CHMP2B: variants seen among roughly 807,000 people sequenced by gnomAD.
CHMP2B encodes VPS2 homolog B.
In CHMP2B, 22 loss-of-function variants were observed where a neutral mutation model predicts 29.8. The ratio of observed to expected loss-of-function variants is 0.74; its 90% confidence interval spans 0.53 to 1.05. CHMP2B has a LOEUF of 1.05. Among genes scored for constraint, CHMP2B ranks in the 50% least tolerant of loss-of-function variants. The probability of loss-of-function intolerance (pLI) is 0.00; values close to 1 mark genes in which losing one functional copy is unlikely to be tolerated. For synonymous variants in CHMP2B, 78 were observed against 75.8 expected, an observed-to-expected ratio of 1.03 and a Z score of -0.15; for missense variants, 261 against 252.2, an observed-to-expected ratio of 1.03 and a Z score of -0.24.
chr3:87,247,241 C>T (rs1168079290), intron 3 of CHMP2B, among the ~76,000 whole-genome samples: 1 of 152,296 alleles, frequency 6.6e-6, no homozygotes, highest in East Asian at 1.9e-4. Context: ...CCTAACTAAC[C>T]TTGTGTTTCT....
chr3:87,229,761 G>T (rs1346537010), intron 1 of CHMP2B, among the ~76,000 whole-genome samples: 1 of 152,086 alleles, frequency 6.6e-6, no homozygotes, highest in Non-Finnish European at 1.5e-5. Flanking sequence ...ACATGTACCT[G>T]CCTATAGATC....
chr3:87,228,251 TATC>T (rs1705849565), intron 1 of CHMP2B, among the ~76,000 whole-genome samples: 1 of 152,246 alleles, frequency 6.6e-6, no homozygotes, highest in South Asian at 2.1e-4. Flanking sequence ...TTTAGCTTAA[TATC>T]ATCTTAAGCG....
intron 2 of CHMP2B, among the ~76,000 whole-genome samples, chr3:87,241,465 C>G (rs1706118201): frequency 6.6e-6 from 1 of 152,128 alleles, no homozygotes; most frequent in Admixed American, 6.5e-5. Context: ...CTACGCATCC[C>G]TGCCTGTCTC....
chr3:87,242,694 G>A (rs1410283662), intron 2 of CHMP2B, among the ~76,000 whole-genome samples: 3 of 152,110 alleles, frequency 2.0e-5, no homozygotes, highest in Non-Finnish European at 4.4e-5. Context: ...AAAGTCAGTT[G>A]TTTCAACATA....
chr3:87,248,333 A>G (rs910417349), intron 3 of CHMP2B, among the ~76,000 whole-genome samples: 1 of 150,522 alleles, frequency 6.6e-6, no homozygotes, highest in African/African-American at 2.4e-5. Flanking sequence ...TTCGGTATAC[A>G]TTTTGTTTCT....
chr3:87,242,011 C>A (rs531217019), intron 2 of CHMP2B, among the ~76,000 whole-genome samples: 2 of 152,032 alleles, frequency 1.3e-5, no homozygotes, highest in South Asian at 4.1e-4. Flanking sequence ...GTGTATAGTA[C>A]GTTGTCATTT....
intron 4 of CHMP2B, 58 bp from the exon 5 acceptor site, chr3:87,253,346 G>T (rs977470994): frequency 9.9e-6 from 10 of 1,005,252 alleles, no homozygotes; most frequent in Admixed American, 1.7e-5. Context: ...AAATATGTAA[G>T]TCTAACCTGA....
chr3:87,246,958 A>G (rs1423939748), intron 3 of CHMP2B, among the ~76,000 whole-genome samples: 1 of 152,222 alleles, frequency 6.6e-6, no homozygotes, highest in Non-Finnish European at 1.5e-5. Context: ...ATTGCATAAG[A>G]CAAAGGTTTT....
chr3:87,241,452 C>T (rs1706118002), intron 2 of CHMP2B, among the ~76,000 whole-genome samples: 1 of 152,076 alleles, frequency 6.6e-6, no homozygotes, highest in Non-Finnish European at 1.5e-5. Flanking sequence ...CTGGAAATCC[C>T]TCCTACGCAT....
intron 1 of CHMP2B, among the ~76,000 whole-genome samples, chr3:87,237,307 GT>G (rs981464376): frequency 6.6e-6 from 1 of 152,102 alleles, no homozygotes; most frequent in African/African-American, 2.4e-5. Flanking sequence ...TGTAATCGAG[GT>G]TAAATAAAGT....
At chr3:87,231,851 G>A (rs943640578) in intron 1 of CHMP2B, among the ~76,000 whole-genome samples, 6 of 151,934 alleles carry the variant, frequency 3.9e-5, no homozygotes, top group Non-Finnish European at 7.4e-5. Flanking sequence ...TACTCCTTAT[G>A]TTCCCCTTTT....
chr3:87,252,307 T>C (rs541982702), intron 4 of CHMP2B, among the ~76,000 whole-genome samples: 1 of 152,026 alleles, frequency 6.6e-6, no homozygotes, highest in Admixed American at 6.6e-5. Flanking sequence ...AGGTTACCTG[T>C]CTTTCTTTTT....
Position 87,227,527 on chromosome 3 carries a change from C to T in CHMP2B, c.5C>T (p.Ala2Val), listed in dbSNP as rs754708487. The T allele has an allele frequency of 1.9e-6, 3 of 1,614,176 alleles. No individual in the cohort carries two copies. The highest frequency in any genetic ancestry group is 1.1e-5 in the South Asian group (1 of 91,086). Reference protein sequence around the residue: MASLFKKKTVDD... With the variant: MVSLFKKKTVDD... ...GCCCGGGCGCAGTCTTTAACCATGG[C>T]GTCCCTCTTCAAGAAGAAAACCGTG... is the stretch of plus-strand genomic sequence containing the variant. The change falls in exon 1 of 6, where the codon GCG becomes GTG. Residue 2 changes from alanine to valine, a missense_variant. Transcript: ENST00000263780.
chr3:87,245,786 C>T lies in CHMP2B; in HGVS notation c.199C>T (p.His67Tyr). Residue 67 changes from histidine to tyrosine, a missense_variant, in exon 3 of 6, where the codon CAT (histidine) becomes TAT (tyrosine). His to Tyr is a moderately conservative substitution (Grantham distance 83). Transcript: ENST00000263780. Reference protein sequence around the residue: ...ACKVLAKQLVHLRKQKTRTFA... With the variant: ...ACKVLAKQLVYLRKQKTRTFA... ...CAAAGTTTTAGCCAAACAACTTGTG[C>T]ATCTACGGAAACAGAAGACGAGAAC... 2 of 1,613,796 alleles carry T rather than the reference C, an allele frequency of 1.2e-6. No individual in the cohort carries two copies. The highest frequency in any genetic ancestry group is 2.2e-5 in the South Asian group (2 of 91,050).
chr3:87,240,622 T>C (rs1048506682), intron 1 of CHMP2B, 77 bp from the exon 2 acceptor site: 19 of 1,015,438 alleles, frequency 1.9e-5, no homozygotes, highest in Non-Finnish European at 3.0e-5. Context: ...TAAATCATGA[T>C]CTGTGAATCC....
Position 87,240,795 on chromosome 3 carries a change from G to GTTTT in CHMP2B, c.126+6_126+7insTTTT. 1.9e-6 allele frequency: 3 copies of GTTTT among 1,606,204 alleles called. No individual in the cohort carries two copies. The highest frequency in any genetic ancestry group is 2.6e-6 in the Non-Finnish European group (3 of 1,172,932). On this transcript the variant is annotated splice_donor_region_variant and intron_variant, in intron 2 of 5. Transcript: ENST00000263780. ...GAGAAACAAGAAAAACAGCTGGTAA[G>GTTTT]TAGAACGTTAAATTTCAGTTTAACT...
At chr3:87,245,970 A>G in intron 3 of CHMP2B, 62 bp downstream of exon 3, 1 of 1,391,620 alleles carries the variant, frequency 7.2e-7, no homozygotes, top group Non-Finnish European at 1.0e-6. Context: ...AAATATCAAT[A>G]TTGAAAGCAG....
chr3:87,246,219 C>T (rs1706211393), intron 3 of CHMP2B, among the ~76,000 whole-genome samples: 1 of 151,848 alleles, frequency 6.6e-6, no homozygotes, highest in African/African-American at 2.4e-5. Context: ...CTCCCTGCAT[C>T]CTCCGCCTCC....
At chr3:87,247,349 T>C (rs540850399) in intron 3 of CHMP2B, among the ~76,000 whole-genome samples, 1 of 152,324 alleles carries the variant, frequency 6.6e-6, no homozygotes, top group East Asian at 1.9e-4. Flanking sequence ...TTATCTAACG[T>C]GTATTTTCTC....
Sources: gnomAD v4.1 joint callset for allele counts (sites outside exome capture counted in the v4.1 genomes callset) on GRCh38, gnomAD v4.1.1 for gene constraint, MANE v1.5 for transcripts, NCBI Gene and HGNC (gene_info 2026-07-23, HGNC 2026-07-21) for gene names.